Variants in OPRM1 observed in about 807,000 individuals in gnomAD.
The protein encoded by OPRM1 is mu-type opioid receptor.
OPRM1 carries 27 observed loss-of-function variants against 31.8 expected under a neutral mutation model. That is an observed-to-expected ratio of 0.85 (90% CI 0.63 to 1.17). The LOEUF is 1.17. Among genes scored for constraint, OPRM1 ranks in the 50% most tolerant of loss-of-function variants. The probability of loss-of-function intolerance (pLI) is 0.00; values close to 1 mark genes in which losing one functional copy is unlikely to be tolerated. For missense variants in OPRM1, 536 were observed against 511.1 expected, an observed-to-expected ratio of 1.05 and a Z score of -0.47; for synonymous variants, 196 against 189.9, an observed-to-expected ratio of 1.03 and a Z score of -0.26.
chr6:154,107,397 A>G, intron 3 of OPRM1: 1 of 697,836 alleles, frequency 1.4e-6, no homozygotes, highest in South Asian at 1.6e-5. Flanking sequence ...AATTTCAGAC[A>G]GTCCGCAGAG....
chr6:154,186,214 A>G (rs2128574610), intron 3 of OPRM1, among the ~76,000 whole-genome samples: 2 of 152,372 alleles, frequency 1.3e-5, no homozygotes, highest in South Asian at 4.1e-4. Flanking sequence ...TCTGTGAGGC[A>G]TTTCAAATTC....
chr6:154,128,769 G>T lies in OPRM1; in HGVS notation c.*10048G>T, dbSNP rs1562497548. ...CCTTGTACCTCATGGAGAGCTGAAG[G>T]TCTGATAAATGGGAACTGCCAGGTA... On this transcript the variant is annotated 3_prime_UTR_variant, in exon 4 of 4. Transcript: ENST00000330432. 6.6e-6 allele frequency among the ~76,000 whole-genome samples: 1 copy of T among 152,162 alleles called. No individual in the cohort carries two copies. The highest frequency in any genetic ancestry group is 6.5e-5 in the Admixed American group (1 of 15,282).
chr6:154,099,330 A>G (rs1793994257), intron 3 of OPRM1, among the ~76,000 whole-genome samples: 1 of 119,288 alleles, frequency 8.4e-6, no homozygotes, highest in South Asian at 3.6e-4. Flanking sequence ...GAAGGAAGGA[A>G]GGGAGGGAGG....
chr6:154,080,596 G>GT (rs1788871523), intron 1 of OPRM1, among the ~76,000 whole-genome samples: 2 of 152,004 alleles, frequency 1.3e-5, no homozygotes, highest in Admixed American at 6.6e-5. Flanking sequence ...TTTCCTCTCT[G>GT]TTTTTTTCTG....
At chr6:154,210,638 TA>T (rs1286822498) in intron 3 of OPRM1, among the ~76,000 whole-genome samples, 2 of 151,898 alleles carry the variant, frequency 1.3e-5, no homozygotes, top group African/African-American at 4.8e-5. Context: ...ATAAAGAAAA[TA>T]AAAGCTTTTT....
intron 3 of OPRM1, among the ~76,000 whole-genome samples, chr6:154,202,846 AAAG>A (rs1441617047): frequency 1.5e-5 from 2 of 137,812 alleles, no homozygotes; most frequent in African/African-American, 5.0e-5. Flanking sequence ...TAAATGGAGA[AAAG>A]AAGAATGAAG....
At chr6:154,116,181 T>C (rs1796855256) in intron 3 of OPRM1, among the ~76,000 whole-genome samples, 1 of 152,146 alleles carries the variant, frequency 6.6e-6, no homozygotes, top group Non-Finnish European at 1.5e-5. Context: ...GGGTGAGGGT[T>C]CATCATCAAA....
chr6:154,236,199 G>A (rs1199953562), intron 3 of OPRM1, among the ~76,000 whole-genome samples: 2 of 152,152 alleles, frequency 1.3e-5, no homozygotes, highest in Non-Finnish European at 2.9e-5. Flanking sequence ...ACATCAAGGG[G>A]ATAAGATTCA....
downstream of OPRM1, among the ~76,000 whole-genome samples, chr6:154,132,838 A>AT (rs1797958786): frequency 6.6e-6 from 1 of 152,132 alleles, no homozygotes; most frequent in Non-Finnish European, 1.5e-5. Context: ...TAAGAAAAAA[A>AT]CGGCTGGGCG....
intron 3 of OPRM1, among the ~76,000 whole-genome samples, chr6:154,197,141 C>T (rs904397113): frequency 6.6e-6 from 1 of 152,014 alleles, no homozygotes; most frequent in Non-Finnish European, 1.5e-5. Context: ...GATTTCTATC[C>T]CTGATATAAA....
chr6:154,032,409 A>G (rs1779061597), intron 1 of OPRM1, among the ~76,000 whole-genome samples: 1 of 152,212 alleles, frequency 6.6e-6, no homozygotes, highest in South Asian at 2.1e-4. Context: ...GATTTTAGCA[A>G]TAAATGGGGC....
chr6:154,084,845 C>T (rs989539509), intron 1 of OPRM1, among the ~76,000 whole-genome samples: 7 of 151,742 alleles, frequency 4.6e-5, no homozygotes, highest in African/African-American at 1.5e-4. Flanking sequence ...CTCTTCCGTC[C>T]ATCACCATTG....
At chr6:154,054,536 G>C (rs1167490465) in intron 1 of OPRM1, among the ~76,000 whole-genome samples, 1 of 152,166 alleles carries the variant, frequency 6.6e-6, no homozygotes, top group Non-Finnish European at 1.5e-5. Flanking sequence ...TTATGGATGA[G>C]AAAACTGAGT....
In OPRM1 at chr6:154,090,952, G is replaced by A. The variant is rs202211710; in HGVS notation, c.644G>A (p.Gly215Asp). The A allele has an allele frequency of 1.2e-6, 2 of 1,609,962 alleles. No homozygotes were observed. The highest frequency in any genetic ancestry group is 1.7e-4 in the Middle Eastern group (1 of 6,032). The change falls in exon 3 of 4, where the codon GGT (glycine) becomes GAT (aspartate). Residue 215 changes from glycine (G) to aspartate (D), a missense_variant and splice_region_variant. Coordinates refer to ENST00000330432, the MANE Select transcript of OPRM1 (RefSeq NM_000914.5). ...MFMATTKYRQGSIDCTLTFSH... is the reference protein window; with the variant it reads ...MFMATTKYRQDSIDCTLTFSH... ...TTTCCTTTAAATTCCTTTCTTCTAG[G>A]TTCCATAGATTGTACACTAACATTC...
rs3070838 is a variant in OPRM1 at position 154,198,631 on chromosome 6, T to TACACACACACACAC, written c.1165-48042_1165-48029dup. Among the ~76,000 whole-genome samples the TACACACACACACAC allele has an allele frequency of 3.0e-3, 437 of 146,798 alleles. 2 individuals are homozygous for TACACACACACACAC. Among genetic ancestry groups the TACACACACACACAC allele is most frequent in the East Asian group, 9.3e-3 (46 of 4,942 alleles). On this transcript the variant is annotated intron_variant, in intron 3 of 3. Coordinates refer to the OPRM1 transcript ENST00000337049. Reference sequence around the variant, plus strand: ...ATTTACATACTTTTAAAATATTACATACACACACACACACACACACACACA... The same window carrying TACACACACACACAC: ...ATTTACATACTTTTAAAATATTACATACACACACACACACACACACACACACACACACACACACA...
At chr6:154,012,610 T>C (rs1777788628) in intron 1 of OPRM1, among the ~76,000 whole-genome samples, 1 of 152,180 alleles carries the variant, frequency 6.6e-6, no homozygotes, top group South Asian at 2.1e-4. Flanking sequence ...AATTATTTTT[T>C]CTTTCTTTGA....
chr6:154,205,063 A>C (rs1164351514), intron 3 of OPRM1, among the ~76,000 whole-genome samples: 5 of 152,136 alleles, frequency 3.3e-5, no homozygotes, highest in African/African-American at 4.8e-5. Flanking sequence ...CACTTCTTCC[A>C]CAGGGTCTTC....
chr6:154,111,795 C>T (rs941610158), intron 3 of OPRM1, among the ~76,000 whole-genome samples: 1 of 151,948 alleles, frequency 6.6e-6, no homozygotes, highest in African/African-American at 2.4e-5. Context: ...GAGACCGAGT[C>T]TCGCTCTGTC....
chr6:154,083,603 A>G (rs1190047815), intron 1 of OPRM1: 1 of 152,416 alleles, frequency 6.6e-6, no homozygotes, highest in African/African-American at 2.4e-5. Flanking sequence ...GGGAGAGGAC[A>G]AAAGAGCGAG....
Sources: allele counts gnomAD v4.1 joint callset (sites outside exome capture counted in the v4.1 genomes callset), GRCh38; gene constraint gnomAD v4.1.1; transcripts MANE v1.5; gene names NCBI Gene and HGNC (gene_info 2026-07-23, HGNC 2026-07-21).